The following TBC1D28 variants were observed in gnomAD, a reference collection of about 807,000 sequenced individuals.
TBC1D28 encodes TBC1 domain family, member 28.
In TBC1D28, 20 loss-of-function variants were observed where a neutral mutation model predicts 29.2. The ratio of observed to expected loss-of-function variants is 0.68; its 90% CI spans 0.48 to 0.99. The LOEUF (loss-of-function observed/expected upper bound fraction) is 0.99, where lower values mean the gene tolerates loss of function less well. Ranked by LOEUF, TBC1D28 falls within the 50% of genes least tolerant of loss-of-function variation. The pLI, the probability that TBC1D28 is intolerant of heterozygous loss-of-function variation, is 0.00. For synonymous variants in TBC1D28, 65 were observed against 90.9 expected, an observed-to-expected ratio of 0.71 and a Z score of 1.62; for missense variants, 205 against 243.7, an observed-to-expected ratio of 0.84 and a Z score of 1.06.
chr17:18,634,956 A>C (rs2031422400), downstream of TBC1D28: 1 of 154,916 alleles, frequency 6.5e-6, no homozygotes, highest in African/African-American at 2.4e-5. Context: ...AGCGGGCTCC[A>C]GCGCAGCCTC....
intron 5 of TBC1D28, 183 bp downstream of exon 6, chr17:18,638,992 C>A: frequency 9.3e-7 from 1 of 1,070,428 alleles, no homozygotes; most frequent in Non-Finnish European, 1.3e-6. Flanking sequence ...GACTACAGTT[C>A]TTGGTTTGGG....
intron 4 of TBC1D28, among the ~76,000 whole-genome samples, 168 bp downstream of exon 5, chr17:18,640,853 AC>A (rs2031729226): frequency 1.1e-5 from 1 of 93,924 alleles, no homozygotes. Context: ...CTGTGCCCTA[AC>A]CCTGACCACA....
chr17:18,643,922 G>A (rs1184609466), upstream of TBC1D28, among the ~76,000 whole-genome samples: 12 of 152,212 alleles, frequency 7.9e-5, no homozygotes, highest in African/African-American at 2.9e-4. Flanking sequence ...ACCCATAGGA[G>A]TTCCATCCCA....
In TBC1D28 at chr17:18,637,013, T is replaced by G. The variant is rs1184594756; in HGVS notation, c.498-416A>C. Reference sequence around the variant, plus strand: ...CCCTTTGCAGGCAACGTCTCCCGGCTCTGTCAGCCCCTGGCCATCCTGATC... The same window carrying G: ...CCCTTTGCAGGCAACGTCTCCCGGCGCTGTCAGCCCCTGGCCATCCTGATC... On this transcript the variant is annotated intron_variant, in intron 8 of 8. Transcript: ENST00000345096. Among the ~76,000 whole-genome samples the G allele has an allele frequency of 1.4e-4, 12 of 85,996 alleles. 3 individuals are homozygous for G. The highest frequency in any genetic ancestry group is 1.0e-4 in the Non-Finnish European group (5 of 48,350). The allele number at this position is 85,996 out of a possible 152,430, so 56.4% of individuals were successfully genotyped here.
intron 7 of TBC1D28, 74 bp downstream of exon 8, chr17:18,638,239 C>T: frequency 6.5e-7 from 1 of 1,548,554 alleles, no homozygotes; most frequent in South Asian, 1.2e-5. Flanking sequence ...AACGTTCCCT[C>T]CAGCTGGAGT....
chr17:18,637,702 G>A (rs547151900), intron 8 of TBC1D28, among the ~76,000 whole-genome samples, 162 bp downstream of exon 9: 6 of 152,146 alleles, frequency 3.9e-5, no homozygotes, highest in Non-Finnish European at 8.8e-5. Context: ...CTTAGAGCCG[G>A]GAGGTGCTCA....
chr17:18,636,590 C>G (rs369463459), exon 9 of TBC1D28: 2 of 1,612,092 alleles, frequency 1.2e-6, no homozygotes, highest in East Asian at 4.5e-5. Context: ...TCACATAATT[C>G]CTGCTGCCTA....
chr17:18,638,877 T>C, intron 5 of TBC1D28, 176 bp from the exon 7 acceptor site: 2 of 880,450 alleles, frequency 2.3e-6, no homozygotes, highest in South Asian at 3.4e-5. Flanking sequence ...TCTGGACTGG[T>C]GATGCCAGGA....
upstream of TBC1D28, among the ~76,000 whole-genome samples, chr17:18,643,766 A>C (rs2031874869): frequency 6.6e-6 from 1 of 152,012 alleles, no homozygotes; most frequent in Admixed American, 6.6e-5. Context: ...AGGGCTCCCT[A>C]CTCCCAGACA....
rs1195163648 is a variant in TBC1D28, at chr17:18,641,734, C to T, written c.-103-1G>A. On this transcript the variant is annotated splice_acceptor_variant, in intron 1 of 8. Coordinates refer to ENST00000345096, the Ensembl canonical transcript of TBC1D28. LOFTEE classifies it low-confidence loss of function (5UTR_SPLICE). ...AGGTGGAGTCAGGGACTGGATGTCT[C>T]TATAGGATGGTTCAGGGACCAGGAA... The T allele has an allele frequency of 5.2e-5, 15 of 290,620 alleles. No homozygotes were observed. The highest frequency in any genetic ancestry group is 7.8e-5 in the Non-Finnish European group (12 of 154,620). 18.0% of individuals were successfully genotyped at this position (290,620 alleles called of 1,614,324 possible).
chr17:18,642,146 T>A (rs1162438218), exon 1 of TBC1D28: 3 of 152,170 alleles, frequency 2.0e-5, no homozygotes, highest in Non-Finnish European at 2.9e-5. Context: ...TGCAGGAGGG[T>A]TCCAGTCCCC....
At chr17:18,636,444 T>C in exon 9 of TBC1D28, 1 of 1,612,104 alleles carries the variant, frequency 6.2e-7, no homozygotes, top group Non-Finnish European at 8.5e-7. Flanking sequence ...TACGTCCTGG[T>C]GGACAAACGC....
At chr17:18,636,574 A>G (rs774763431) in exon 9 of TBC1D28, 3 of 1,613,768 alleles carry the variant, frequency 1.9e-6, no homozygotes, top group Non-Finnish European at 1.7e-6. Flanking sequence ...ATAGGCCACG[A>G]GGATGTCACA....
chr17:18,636,825 C>G (rs1320106012), intron 8 of TBC1D28, among the ~76,000 whole-genome samples: 1 of 141,548 alleles, frequency 7.1e-6, no homozygotes, highest in East Asian at 2.2e-4. Flanking sequence ...TCATTTTTCA[C>G]TCTGGTTGAT....
intron 6 of TBC1D28, 77 bp downstream of exon 7, chr17:18,638,544 C>G (rs879202757): frequency 2.1e-5 from 10 of 468,994 alleles, no homozygotes; most frequent in South Asian, 5.6e-5. Context: ...GAGGCACCCA[C>G]CCAGGCCAAA....
At chr17:18,636,342 C>A in exon 9 of TBC1D28, 5 of 1,504,828 alleles carry the variant, frequency 3.3e-6, no homozygotes, top group Non-Finnish European at 4.4e-6. Context: ...AAGGTCATTT[C>A]TTCATCTGAG....
chr17:18,634,332 A>T (rs1251061039), downstream of TBC1D28, among the ~76,000 whole-genome samples: 1 of 152,136 alleles, frequency 6.6e-6, no homozygotes, highest in Non-Finnish European at 1.5e-5. Context: ...TTTGCGAAAC[A>T]AACAACAAAA....
chr17:18,635,203 C>CA (rs2031436368), exon 9 of TBC1D28: 1 of 152,990 alleles, frequency 6.5e-6, no homozygotes, highest in African/African-American at 2.4e-5. Flanking sequence ...CACCAGGAGT[C>CA]CCGGGCGGGG....
intron 5 of TBC1D28, 101 bp from the exon 7 acceptor site, chr17:18,638,802 C>T (rs191618196): frequency 2.6e-5 from 38 of 1,478,460 alleles, no homozygotes; most frequent in Admixed American, 1.8e-4. Flanking sequence ...GGGACCCAAC[C>T]TGAAGAAGCC....
Sources: gnomAD v4.1 joint callset for allele counts (sites outside exome capture counted in the v4.1 genomes callset) on GRCh38, gnomAD v4.1.1 for gene constraint, MANE v1.5 for transcripts, NCBI Gene and HGNC (gene_info 2026-07-23, HGNC 2026-07-21) for gene names.